Variants in CYRIB observed in about 807,000 individuals in gnomAD.
CYRIB encodes CYFIP-related Rac1 interactor B.
CYRIB carries 8 observed loss-of-function variants against 44.2 expected under a neutral mutation model. That is an observed-to-expected ratio of 0.18 (90% confidence interval 0.11 to 0.33). The LOEUF (loss-of-function observed/expected upper bound fraction) is 0.33, where lower values mean the gene tolerates loss of function less well. Among genes scored for constraint, CYRIB ranks in the 10% least tolerant of loss-of-function variants. The pLI is 1.00. For synonymous variants in CYRIB, 131 were observed against 127.2 expected (o/e 1.03, Z -0.20); for missense variants, 185 against 382.8 (o/e 0.48, Z 4.31).
chr8:129,866,268 G>T (rs113817501), intron 4 of CYRIB, among the ~76,000 whole-genome samples: 5,215 of 152,192 alleles, frequency 0.034, 292 homozygotes, highest in African/African-American at 0.11. Context: ...TTCCATAGAC[G>T]AGGCTACTGT....
chr8:129,911,810 C>T (rs2078192281), intron 1 of CYRIB, among the ~76,000 whole-genome samples: 1 of 152,188 alleles, frequency 6.6e-6, no homozygotes, highest in African/African-American at 2.4e-5. Flanking sequence ...CTTCTTACTT[C>T]TGGATCTCCT....
chr8:129,967,850 G>A (rs917746943), intron 2 of CYRIB, among the ~76,000 whole-genome samples: 19 of 152,116 alleles, frequency 1.2e-4, no homozygotes, highest in African/African-American at 3.9e-4. Flanking sequence ...TAATCCTTAC[G>A]TCTTCTAATA....
intron 1 of CYRIB, among the ~76,000 whole-genome samples, chr8:129,929,941 G>A (rs954859642): frequency 9.2e-5 from 14 of 152,170 alleles, no homozygotes; most frequent in South Asian, 8.3e-4. Flanking sequence ...GGCGAGGTGC[G>A]GTGGCTCATG....
chr8:129,906,533 T>C (rs930037904), intron 1 of CYRIB, among the ~76,000 whole-genome samples: 14 of 152,158 alleles, frequency 9.2e-5, no homozygotes, highest in African/African-American at 3.1e-4. Flanking sequence ...ATTCAGGACA[T>C]AGGCATGGGC....
intron 1 of CYRIB, among the ~76,000 whole-genome samples, chr8:129,939,280 A>G (rs6999729): frequency 0.052 from 7,793 of 150,900 alleles, 673 homozygotes; most frequent in African/African-American, 0.17. Flanking sequence ...GGGACGAGCC[A>G]ACGAGCCAGG....
At chr8:129,855,734 T>C (rs1230306649) in exon 6 of CYRIB, 2 of 1,605,062 alleles carry the variant, frequency 1.2e-6, no homozygotes, top group African/African-American at 2.7e-5. Flanking sequence ...CCAGAAGACC[T>C]CTTAATGCTG....
chr8:129,985,612 C>T (rs554129402), intron 1 of CYRIB, among the ~76,000 whole-genome samples: 2 of 152,070 alleles, frequency 1.3e-5, no homozygotes, highest in East Asian at 1.9e-4. Context: ...AATATTTGCA[C>T]ACTCTCCAAA....
intron 5 of CYRIB, among the ~76,000 whole-genome samples, chr8:129,857,691 G>A (rs772519133): frequency 6.6e-6 from 1 of 152,162 alleles, no homozygotes; most frequent in Admixed American, 6.5e-5. Context: ...AACAGTGGAT[G>A]TGAAGAAGAT....
intron 2 of CYRIB, among the ~76,000 whole-genome samples, chr8:129,889,229 C>T (rs761959040): frequency 6.6e-6 from 1 of 152,176 alleles, no homozygotes; most frequent in Non-Finnish European, 1.5e-5. Flanking sequence ...TCTAAGCCCA[C>T]CATTGAGCCC....
chr8:130,004,178 A>G (rs2096975898), intron 1 of CYRIB, among the ~76,000 whole-genome samples: 1 of 152,110 alleles, frequency 6.6e-6, no homozygotes, highest in Admixed American at 6.5e-5. Context: ...CACAGGTAAC[A>G]CCCCCACTGG....
chr8:129,942,331 C>T (rs562054170), upstream of CYRIB, among the ~76,000 whole-genome samples: 16 of 152,232 alleles, frequency 1.1e-4, no homozygotes, highest in African/African-American at 3.9e-4. Flanking sequence ...GAGCGAAACA[C>T]GTCTCAAAAA....
chr8:129,898,313 A>C (rs995582918), intron 2 of CYRIB, among the ~76,000 whole-genome samples: 1 of 152,190 alleles, frequency 6.6e-6, no homozygotes, highest in Non-Finnish European at 1.5e-5. Context: ...AAAAATTTCA[A>C]GTGTTCCTAA....
At chr8:129,873,036 A>AT (rs1388214938) in intron 3 of CYRIB, among the ~76,000 whole-genome samples, 8 of 151,798 alleles carry the variant, frequency 5.3e-5, no homozygotes, top group Non-Finnish European at 1.0e-4. Flanking sequence ...AATATACCAC[A>AT]TTTTTTTTAA....
intron 1 of CYRIB, among the ~76,000 whole-genome samples, chr8:129,923,788 G>A (rs2085411272): frequency 6.6e-6 from 1 of 150,768 alleles, no homozygotes; most frequent in Admixed American, 6.7e-5. Flanking sequence ...TTTTGAAGAA[G>A]TAAAACATGA....
At chr8:129,944,504 C>T (rs956586360), upstream of CYRIB, among the ~76,000 whole-genome samples, 3 of 152,014 alleles carry the variant, frequency 2.0e-5, no homozygotes, top group Non-Finnish European at 4.4e-5. Context: ...CTTGCTTTGC[C>T]GGGCGCGGTG....
chr8:129,945,055 C>A (rs1390626098), intron 2 of CYRIB, among the ~76,000 whole-genome samples: 2 of 152,114 alleles, frequency 1.3e-5, no homozygotes, highest in African/African-American at 4.8e-5. Flanking sequence ...GAAAAAGAGC[C>A]TTTAGGCAAA....
At chr8:129,982,211 C>G (rs1048407861) in intron 1 of CYRIB, among the ~76,000 whole-genome samples, 1 of 152,192 alleles carries the variant, frequency 6.6e-6, no homozygotes, top group African/African-American at 2.4e-5. Context: ...CTCCAACACC[C>G]AGCCCAGGCC....
chr8:129,991,133 GAAAAAAAAAA>G (rs35682865), intron 1 of CYRIB, among the ~76,000 whole-genome samples: 3 of 67,766 alleles, frequency 4.4e-5, no homozygotes, highest in Non-Finnish European at 8.7e-5. Context: ...CTCTGTCTCA[GAAAAAAAAAA>G]AAAAAAAAAA....
intron 4 of CYRIB, among the ~76,000 whole-genome samples, chr8:129,869,408 A>G (rs1056347164): frequency 1.3e-5 from 2 of 151,354 alleles, no homozygotes; most frequent in Non-Finnish European, 2.9e-5. Flanking sequence ...AAAAAAATCA[A>G]ACAGGTAATG....
Sources: allele counts gnomAD v4.1 joint callset (sites outside exome capture counted in the v4.1 genomes callset), GRCh38; gene constraint gnomAD v4.1.1; transcripts MANE v1.5; gene names NCBI Gene and HGNC (gene_info 2026-07-23, HGNC 2026-07-21).